Variants in PKHD1L1 observed in about 807,000 individuals in gnomAD.
PKHD1L1 encodes the protein fibrocystin-L.
A neutral mutation model predicts 462.9 loss-of-function variants in PKHD1L1; 434 were observed. That is an observed-to-expected ratio of 0.94 (90% CI 0.87 to 1.02). PKHD1L1 has a LOEUF of 1.02. Among genes scored for constraint, PKHD1L1 ranks in the 50% least tolerant of loss-of-function variants. The pLI is 0.00. For synonymous variants in PKHD1L1, 1,781 were observed against 1,750.0 expected, an observed-to-expected ratio of 1.02 and a Z score of -0.44; for missense variants, 5,202 against 5,096.1, an observed-to-expected ratio of 1.02 and a Z score of -0.63.
Position 109,454,779 on chromosome 8 carries a change from C to A in PKHD1L1, c.6801C>A (p.His2267Gln), listed in dbSNP as rs1292659047. 1.2e-6 allele frequency: 2 copies of A among 1,613,668 alleles called. No individual in the cohort carries two copies. The highest frequency in any genetic ancestry group is 1.6e-4 in the Middle Eastern group (1 of 6,084). Residue 2267 changes from histidine to glutamine, a missense_variant, in exon 45 of 78, where the codon CAC becomes CAA. Physicochemically the swap from His to Gln is conservative, Grantham distance 24. Coordinates refer to ENST00000378402, the MANE Select transcript of PKHD1L1 (RefSeq NM_177531.6). ...QHKAVITLHG[H>Q]LRSPELPVYG... ...AGGCTGTCATTACCTTGCATGGTCA[C>A]CTGCGATCTCCTGAGCTCCCTGTCT...
At chr8:109,522,116 G>A in intron 73 of PKHD1L1, 70 bp from the exon 74 acceptor site, 1 of 1,415,178 alleles carries the variant, frequency 7.1e-7, no homozygotes, top group African/African-American at 1.5e-5. Context: ...ATGCTAAAGT[G>A]AAAAACTCTC....
In PKHD1L1 at chr8:109,406,443, G is replaced by T. The variant is rs745776072; in HGVS notation, c.1778G>T (p.Ser593Ile). The stretch of plus-strand genomic sequence containing the variant: ...GTAATAAGAACACAAAATCCCCAGA[G>T]CTATGTCTACATGGTAACATTCATA... ...VQVIRTQNPQ[S>I]YVYMVTFIST... Residue 593 changes from serine (S) to isoleucine (I), a missense_variant, in exon 17 of 78, where the codon AGC becomes ATC. Around this residue, in one of 3 missense-constraint regions of PKHD1L1, gnomAD observed 4,497 missense variants for 4,336.8 expected, o/e 1.04. Transcript: ENST00000378402. 6.2e-7 allele frequency: 1 copy of T among 1,602,228 alleles called. No homozygotes were observed. Among genetic ancestry groups the T allele is most frequent in the East Asian group, 2.2e-5 (1 of 44,560 alleles).
intron 53 of PKHD1L1, among the ~76,000 whole-genome samples, chr8:109,477,757 G>A (rs1818066789): frequency 6.6e-6 from 1 of 152,164 alleles, no homozygotes; most frequent in Non-Finnish European, 1.5e-5. Context: ...TACAGCACCA[G>A]AAACTAAGTC....
chr8:109,427,245 T>C (rs1192622277), intron 25 of PKHD1L1, 89 bp downstream of exon 25: 1 of 981,500 alleles, frequency 1.0e-6, no homozygotes, highest in Non-Finnish European at 1.5e-6. Context: ...CTGGAGGCTA[T>C]GTTTATTATA....
At chr8:109,458,666 G>C (rs1816951194) in intron 46 of PKHD1L1, among the ~76,000 whole-genome samples, 1 of 152,088 alleles carries the variant, frequency 6.6e-6, no homozygotes, top group South Asian at 2.1e-4. Context: ...ACTGTCATTT[G>C]CACTGGCATT....
chr8:109,431,238 A>G (rs1815083898), intron 27 of PKHD1L1, among the ~76,000 whole-genome samples: 2 of 152,184 alleles, frequency 1.3e-5, no homozygotes. Flanking sequence ...ACCCAATATA[A>G]CAATCTGAAT....
chr8:109,502,795 C>T (rs1270939660), intron 67 of PKHD1L1, among the ~76,000 whole-genome samples: 1 of 152,202 alleles, frequency 6.6e-6, no homozygotes, highest in Non-Finnish European at 1.5e-5. Context: ...AGGAGCTAAG[C>T]AAAGATATGA....
chr8:109,406,494 A>G lies in PKHD1L1; in HGVS notation c.1813+16A>G. 6.3e-7 allele frequency: 1 copy of G among 1,579,564 alleles called. No individual in the cohort carries two copies. Among genetic ancestry groups the G allele is most frequent in the Non-Finnish European group, 8.6e-7 (1 of 1,163,706 alleles). On this transcript the variant is annotated intron_variant, in intron 17 of 77. Coordinates refer to ENST00000378402, the MANE Select transcript of PKHD1L1 (RefSeq NM_177531.6). ...TCAACTAGAGGTAAGCATGTACTTA[A>G]TTTTGTACTTCTGTAGGAAACAAAT... is the stretch of plus-strand genomic sequence containing the variant.
rs543729772 is a variant in PKHD1L1 at position 109,428,680 on chromosome 8, A to C, written c.3001-660A>C. Reference sequence around the variant, plus strand: ...GCATCTACTCTCTTCCATCTTTTCTAATCAGTCTCTTCTGCTTATTCATTG... The same window carrying C: ...GCATCTACTCTCTTCCATCTTTTCTCATCAGTCTCTTCTGCTTATTCATTG... On this transcript the variant is annotated intron_variant, in intron 25 of 77. Coordinates refer to ENST00000378402, the MANE Select transcript of PKHD1L1 (RefSeq NM_177531.6). Among the ~76,000 whole-genome samples the C allele has an allele frequency of 3.4e-4, 51 of 152,234 alleles. No individual in the cohort carries two copies. The South Asian group carries it at 4.4e-3, about 13-fold the overall frequency.
intron 71 of PKHD1L1, among the ~76,000 whole-genome samples, chr8:109,513,068 G>A (rs1178066846): frequency 6.6e-6 from 1 of 151,498 alleles, no homozygotes; most frequent in Non-Finnish European, 1.5e-5. Flanking sequence ...CTTTGCTGAA[G>A]TTGCTTATCA....
At chr8:109,382,422 G>A (rs769808986) in intron 3 of PKHD1L1, 41 bp from the exon 4 acceptor site, 4 of 1,512,864 alleles carry the variant, frequency 2.6e-6, no homozygotes, top group South Asian at 2.4e-5. Context: ...CTAAATAAGA[G>A]AGGAATTGCA....
At chr8:109,528,802 T>C (rs1015811739) in intron 77 of PKHD1L1, among the ~76,000 whole-genome samples, 4 of 152,230 alleles carry the variant, frequency 2.6e-5, no homozygotes, top group Admixed American at 2.6e-4. Flanking sequence ...ATATTATAAG[T>C]ACGAAAAATC....
intron 36 of PKHD1L1, 122 bp downstream of exon 36, chr8:109,443,238 T>G: frequency 1.1e-6 from 1 of 896,354 alleles, no homozygotes; most frequent in African/African-American, 1.7e-5. Flanking sequence ...CACGTGACCT[T>G]GAATAGGTTT....
At chr8:109,450,436 T>G (rs974097503) in intron 40 of PKHD1L1, among the ~76,000 whole-genome samples, 1 of 152,174 alleles carries the variant, frequency 6.6e-6, no homozygotes, top group African/African-American at 2.4e-5. Context: ...TGACTGAGCT[T>G]ATGTATCATT....
chr8:109,379,018 T>C (rs1811977874), intron 2 of PKHD1L1, among the ~76,000 whole-genome samples: 1 of 152,154 alleles, frequency 6.6e-6, no homozygotes, highest in Admixed American at 6.5e-5. Context: ...TGCTAGCGCA[T>C]TGGGCCCATG....
chr8:109,514,950 C>A (rs1228019418), intron 71 of PKHD1L1, among the ~76,000 whole-genome samples: 1 of 151,986 alleles, frequency 6.6e-6, no homozygotes, highest in Non-Finnish European at 1.5e-5. Flanking sequence ...TCTTATTGTA[C>A]TTTTCTACTA....
intron 2 of PKHD1L1, among the ~76,000 whole-genome samples, chr8:109,367,322 A>G (rs760681032): frequency 5.9e-5 from 9 of 152,244 alleles, no homozygotes; most frequent in Non-Finnish European, 1.3e-4. Flanking sequence ...CAATTACACA[A>G]GAACTACTTC....
At chr8:109,427,802 G>A (rs1333029366) in intron 25 of PKHD1L1, among the ~76,000 whole-genome samples, 1 of 151,940 alleles carries the variant, frequency 6.6e-6, no homozygotes, top group East Asian at 1.9e-4. Context: ...GAGGCAGGTG[G>A]ATCACAGGAG....
At chr8:109,462,783 A>T (rs550917472) in intron 48 of PKHD1L1, among the ~76,000 whole-genome samples, 29 of 151,956 alleles carry the variant, frequency 1.9e-4, no homozygotes, top group Non-Finnish European at 3.2e-4. Flanking sequence ...CTTGTGATCC[A>T]CATGCCTCGG....
Sources: allele counts gnomAD v4.1 joint callset (sites outside exome capture counted in the v4.1 genomes callset), GRCh38; gene constraint gnomAD v4.1.1; regional missense constraint gnomAD v4.1.1; transcripts MANE v1.5; gene names NCBI Gene and HGNC (gene_info 2026-07-23, HGNC 2026-07-21).